ACSBG1: variants seen among roughly 807,000 people sequenced by gnomAD.
The protein encoded by ACSBG1 is long-chain-fatty-acid--CoA ligase ACSBG1.
In ACSBG1, 39 loss-of-function variants were observed where a neutral mutation model predicts 80.2. The ratio of observed to expected loss-of-function variants is 0.49; its 90% CI spans 0.38 to 0.64. The LOEUF is 0.64. Among genes scored for constraint, ACSBG1 ranks in the 30% least tolerant of loss-of-function variants. The pLI, the probability that ACSBG1 is intolerant of heterozygous loss-of-function variation, is 0.00. For synonymous variants in ACSBG1, 392 were observed against 379.5 expected (o/e 1.03, Z -0.38); for missense variants, 828 against 966.4 (o/e 0.86, Z 1.90).
intron 1 of ACSBG1, 56 bp from the exon 2 acceptor site, chr15:78,208,158 G>T: frequency 1.4e-6 from 2 of 1,399,756 alleles, no homozygotes; most frequent in East Asian, 2.4e-5. Context: ...GGACCGGCCT[G>T]GGCTTAGGGA....
chr15:78,212,111 C>T (rs2141372155), intron 1 of ACSBG1, among the ~76,000 whole-genome samples: 1 of 152,356 alleles, frequency 6.6e-6, no homozygotes, highest in South Asian at 2.1e-4. Context: ...TTTCTTCTCA[C>T]TCAGCCTTCA....
intron 1 of ACSBG1, among the ~76,000 whole-genome samples, chr15:78,215,731 A>AAAGAAAGAAAGGAAGAAAGG: frequency 1.0e-5 from 1 of 98,124 alleles, no homozygotes; most frequent in Admixed American, 8.9e-5. Context: ...AAAGAGAAAG[A>AAAGAAAGAAAGGAAGAAAGG]AAGAAAGAAA....
At chr15:78,208,179 G>T in intron 1 of ACSBG1, 77 bp from the exon 2 acceptor site, 1 of 1,098,062 alleles carries the variant, frequency 9.1e-7, no homozygotes, top group South Asian at 1.3e-5. Flanking sequence ...CTCCGGCCTG[G>T]CACACATCTC....
chr15:78,202,358 G>A (rs569932286), intron 2 of ACSBG1, among the ~76,000 whole-genome samples: 1 of 152,140 alleles, frequency 6.6e-6, no homozygotes, highest in South Asian at 2.1e-4. Flanking sequence ...CTACAGGTGC[G>A]TGACACCACG....
chr15:78,219,497 C>T (rs1235771083), intron 1 of ACSBG1, among the ~76,000 whole-genome samples: 2 of 150,236 alleles, frequency 1.3e-5, no homozygotes, highest in Non-Finnish European at 3.0e-5. Context: ...TTAACTTGAA[C>T]AGCACAAAAC....
chr15:78,199,370 C>G (rs1201398592), intron 2 of ACSBG1, among the ~76,000 whole-genome samples: 1 of 151,794 alleles, frequency 6.6e-6, no homozygotes, highest in African/African-American at 2.4e-5. Context: ...CAGGCATGAG[C>G]CACTGTGCCT....
intron 2 of ACSBG1, among the ~76,000 whole-genome samples, chr15:78,197,418 C>A (rs1335900706): frequency 6.6e-6 from 1 of 152,046 alleles, no homozygotes; most frequent in Non-Finnish European, 1.5e-5. Flanking sequence ...AATAAAGCTA[C>A]TTAAGAAAAA....
rs974813729 is a variant in ACSBG1, at chr15:78,178,370, C to G, written c.1702+244G>C. On this transcript the variant is annotated intron_variant, in intron 11 of 13. Coordinates refer to ENST00000258873, the MANE Select transcript of ACSBG1 (RefSeq NM_015162.5). The surrounding 1 kb of genome is among the most constrained non-coding windows in gnomAD (Gnocchi z 4.3). Reference sequence around the variant, plus strand: ...CTGGTGTGCAAAGAGGCAATCTCAGCTCACTGCAACCTCTGCCTCCCGGGT... The same window carrying G: ...CTGGTGTGCAAAGAGGCAATCTCAGGTCACTGCAACCTCTGCCTCCCGGGT... Among the ~76,000 whole-genome samples the G allele has an allele frequency of 6.6e-6, 1 of 152,194 alleles. No individual in the cohort carries two copies. Among genetic ancestry groups the G allele is most frequent in the Non-Finnish European group, 1.5e-5 (1 of 68,032 alleles).
chr15:78,234,170 G>A (rs545841756), intron 1 of ACSBG1, among the ~76,000 whole-genome samples: 42 of 152,320 alleles, frequency 2.8e-4, no homozygotes, highest in African/African-American at 8.7e-4. Flanking sequence ...ATTCTTTGAT[G>A]AGCCTTTCTT....
rs928165136 is a variant in ACSBG1, at chr15:78,168,989, T to A, written c.*2455A>T. 6.3e-7 allele frequency: 1 copy of A among 1,597,690 alleles called. No individual in the cohort carries two copies. The highest frequency in any genetic ancestry group is 1.7e-5 in the Admixed American group (1 of 59,822). ...TTCACAGAGGAAATCTGTCGCCGAG[T>A]AAAAGATTTAGATTAACACTTCTAC... On this transcript the variant is annotated 3_prime_UTR_variant, in exon 14 of 14. Coordinates refer to ENST00000258873, the MANE Select transcript of ACSBG1 (RefSeq NM_015162.5).
intron 1 of ACSBG1, among the ~76,000 whole-genome samples, chr15:78,225,926 CA>C (rs2075396948): frequency 6.6e-6 from 1 of 152,114 alleles, no homozygotes; most frequent in Admixed American, 6.6e-5. Flanking sequence ...AATGAGCTTC[CA>C]AAAGCTGACT....
chr15:78,192,745 C>A (rs1408728675), intron 5 of ACSBG1, among the ~76,000 whole-genome samples: 2 of 152,186 alleles, frequency 1.3e-5, no homozygotes, highest in African/African-American at 4.8e-5. Context: ...AGGTTGGAGA[C>A]CATTTGTCCC....
chr15:78,186,193 C>T (rs1207143880), intron 5 of ACSBG1, among the ~76,000 whole-genome samples: 2 of 152,184 alleles, frequency 1.3e-5, no homozygotes, highest in East Asian at 3.9e-4. Context: ...TCTGTTTTAT[C>T]AGAGACTAGG....
chr15:78,194,623 G>A lies in ACSBG1; in HGVS notation c.336C>T (p.Ala112=). The change falls in exon 3 of 14, where the codon GCC becomes GCT. Residue 112 remains alanine (A), a synonymous_variant. Transcript: ENST00000258873. ...CGATGAGGTCCCCATACTTATCCAG[G>A]GCCTCGTAGAACATCCGATGCACAG... The part of the protein sequence containing the change: ...PYTVHRMFYE[A]LDKYGDLIAL... 1 of 1,614,252 alleles carries A rather than the reference G, an allele frequency of 6.2e-7. No individual in the cohort carries two copies. The highest frequency in any genetic ancestry group is 8.5e-7 in the Non-Finnish European group (1 of 1,180,050).
chr15:78,179,554 A>G lies in ACSBG1; in HGVS notation c.1480T>C (p.Tyr494His). The change falls in exon 10 of 14, where the codon TAC becomes CAC. Residue 494 changes from tyrosine (Y) to histidine (H), a missense_variant. Tyr to His is a moderately conservative substitution (Grantham distance 83). Transcript: ENST00000258873. ...TGTGGCAGCCTCGAGCCTCACCTGT[A>G]CAGCCGGTAGTTGTAGGGACTGGAC... ...FMSSPYNYRL[Y>H]SSGKLVPGCR... The G allele has an allele frequency of 6.2e-7, 1 of 1,611,736 alleles. No individual in the cohort carries two copies. Among genetic ancestry groups the G allele is most frequent in the South Asian group, 1.1e-5 (1 of 91,054 alleles).
rs1395663207 is a variant in ACSBG1, at chr15:78,172,070, AGACAGCAAGGAGCTGAGGCCTGCC to A, written c.2090-565_2090-542del. The stretch of plus-strand genomic sequence containing the variant: ...CCACACACGGATGTTTCTGGCCAGC[AGACAGCAAGGAGCTGAGGCCTGCC>A]GACAGCCACGTAAGTGAGCGCGGAG... On this transcript the variant is annotated intron_variant, in intron 13 of 13. Transcript: ENST00000258873. The surrounding 1 kb of genome is among the most constrained non-coding windows in gnomAD (Gnocchi z 4.1). The A allele has an allele frequency of 6.5e-6, 1 of 152,696 alleles. No individual in the cohort carries two copies. The highest frequency in any genetic ancestry group is 1.5e-5 in the Non-Finnish European group (1 of 68,380). 9.5% of individuals were successfully genotyped at this position (152,696 alleles called of 1,614,324 possible). A position where few individuals can be genotyped will look rare whatever the true frequency, so the allele number is the denominator to read the frequency against.
At chr15:78,226,098 T>C (rs1167415604) in intron 1 of ACSBG1, among the ~76,000 whole-genome samples, 3 of 152,388 alleles carry the variant, frequency 2.0e-5, no homozygotes, top group Admixed American at 2.0e-4. Context: ...CACGGTATTT[T>C]TGTCGTCTAA....
At chr15:78,179,864 T>C in intron 9 of ACSBG1, 84 bp from the exon 10 acceptor site, 1 of 1,164,514 alleles carries the variant, frequency 8.6e-7, no homozygotes, top group Non-Finnish European at 1.2e-6. Context: ...AAAAGGGTGG[T>C]ATGGTGGTAT....
At chr15:78,227,219 A>C (rs2075411841) in intron 1 of ACSBG1, among the ~76,000 whole-genome samples, 1 of 33,166 alleles carries the variant, frequency 3.0e-5, no homozygotes, top group South Asian at 6.3e-4. Context: ...ACCCTGTCTC[A>C]AAAAAAAAAA....
Sources: gnomAD v4.1 joint callset for allele counts (sites outside exome capture counted in the v4.1 genomes callset) on GRCh38, gnomAD v4.1.1 for gene constraint, Gnocchi (gnomAD v3.1) non-coding constraint, MANE v1.5 for transcripts, NCBI Gene and HGNC (gene_info 2026-07-23, HGNC 2026-07-21) for gene names.